RNF220: variants seen among roughly 807,000 people sequenced by gnomAD.
The protein encoded by RNF220 is E3 ubiquitin-protein ligase RNF220.
In RNF220, 7 loss-of-function variants were observed where a neutral mutation model predicts 67.1. The ratio of observed to expected loss-of-function variants is 0.10; its 90% CI spans 0.06 to 0.20. The LOEUF is 0.20. Among genes scored for constraint, RNF220 ranks in the 10% least tolerant of loss-of-function variants. RNF220 has a pLI of 1.00. For missense variants in RNF220, 565 were observed against 740.3 expected, an observed-to-expected ratio of 0.76 and a Z score of 2.75; for synonymous variants, 270 against 283.2, an observed-to-expected ratio of 0.95 and a Z score of 0.47.
At chr1:44,531,827 G>C (rs1660856937) in intron 2 of RNF220, among the ~76,000 whole-genome samples, 2 of 152,142 alleles carry the variant, frequency 1.3e-5, no homozygotes, top group African/African-American at 4.8e-5. Flanking sequence ...CTTCAAAGCA[G>C]TACTCTGATT....
In RNF220 at chr1:44,595,941, T is replaced by C. The variant is rs371244553; in HGVS notation, c.626-18224T>C. Among the ~76,000 whole-genome samples the C allele has an allele frequency of 4.1e-4, 62 of 152,118 alleles. No homozygotes were observed. In the South Asian group the frequency reaches 9.0e-3, roughly 22 times the overall value. On this transcript the variant is annotated intron_variant, in intron 2 of 14. Transcript: ENST00000361799. Reference sequence around the variant, plus strand: ...ACCACGCCCGGCTAATTTTTTTGTATTTTTAGTAGAGACGGGGTTTTGCCG... The same window carrying C: ...ACCACGCCCGGCTAATTTTTTTGTACTTTTAGTAGAGACGGGGTTTTGCCG...
intron 2 of RNF220, among the ~76,000 whole-genome samples, chr1:44,579,269 TA>T (rs1418772006): frequency 6.6e-6 from 1 of 152,080 alleles, no homozygotes. Context: ...GGGGCTTAAG[TA>T]ACTTGACCAA....
chr1:44,504,623 C>T (rs781777), intron 2 of RNF220, among the ~76,000 whole-genome samples: 3 of 152,082 alleles, frequency 2.0e-5, no homozygotes, highest in Admixed American at 6.5e-5. Flanking sequence ...TTGGAAAGAG[C>T]AGTGAGGGAG....
chr1:44,469,980 G>A (rs749468433), intron 2 of RNF220, among the ~76,000 whole-genome samples: 3 of 151,760 alleles, frequency 2.0e-5, no homozygotes, highest in Non-Finnish European at 2.9e-5. Context: ...TGAATGGGAT[G>A]AAGGCGTAAA....
intron 2 of RNF220, among the ~76,000 whole-genome samples, chr1:44,509,754 G>A (rs1333013815): frequency 1.3e-5 from 2 of 151,130 alleles, no homozygotes; most frequent in African/African-American, 2.4e-5. Flanking sequence ...GGGTGTGGTG[G>A]CACACACCTG....
chr1:44,585,016 ATCCAGT>A (rs1665595140), intron 2 of RNF220, among the ~76,000 whole-genome samples: 1 of 152,126 alleles, frequency 6.6e-6, no homozygotes. Context: ...AGCATTTCTA[ATCCAGT>A]TGCCTGAGCT....
At chr1:44,520,761 C>A (rs1659871013) in intron 2 of RNF220, among the ~76,000 whole-genome samples, 1 of 152,222 alleles carries the variant, frequency 6.6e-6, no homozygotes, top group Admixed American at 6.5e-5. Flanking sequence ...AGATTATATA[C>A]TCCTTGAAGG....
intron 2 of RNF220, among the ~76,000 whole-genome samples, chr1:44,495,514 A>ACT (rs1657263266): frequency 6.6e-6 from 1 of 152,204 alleles, no homozygotes; most frequent in Non-Finnish European, 1.5e-5. Flanking sequence ...AGGGAACGTA[A>ACT]CCTAATTTAG....
intron 3 of RNF220, among the ~76,000 whole-genome samples, chr1:44,615,062 A>G (rs1309368992): frequency 6.6e-6 from 1 of 152,090 alleles, no homozygotes; most frequent in African/African-American, 2.4e-5. Flanking sequence ...CTTCCCTCAC[A>G]TGTCTGGGGG....
At chr1:44,644,630 A>C in intron 8 of RNF220, 68 bp from the exon 9 acceptor site, 1 of 1,236,296 alleles carries the variant, frequency 8.1e-7, no homozygotes, top group Admixed American at 1.7e-5. Flanking sequence ...CCCTACCTGG[A>C]GGCAACAGGA....
At chr1:44,614,681 G>A (rs537260123) in intron 3 of RNF220, among the ~76,000 whole-genome samples, 1 of 152,074 alleles carries the variant, frequency 6.6e-6, no homozygotes, top group Non-Finnish European at 1.5e-5. Flanking sequence ...CCTCCAGTGG[G>A]GTGGACACTA....
At chr1:44,501,895 A>G (rs965068202) in intron 2 of RNF220, among the ~76,000 whole-genome samples, 4 of 152,134 alleles carry the variant, frequency 2.6e-5, no homozygotes, top group East Asian at 1.9e-4. Context: ...ATGTGGAGCT[A>G]TTATACTCTT....
rs754419168 is a variant in RNF220, at chr1:44,490,647, A to G, written c.625+77925A>G. ...TGCCTATACTTTAAAAAGAAGAAAGATGTTATATTAATAACTTAACCTTCC... is the reference window on the plus strand; with the variant it reads ...TGCCTATACTTTAAAAAGAAGAAAGGTGTTATATTAATAACTTAACCTTCC... On this transcript the variant is annotated intron_variant, in intron 2 of 14. Coordinates refer to ENST00000361799, the MANE Select transcript of RNF220 (RefSeq NM_018150.4). Among the ~76,000 whole-genome samples the G allele has an allele frequency of 3.1e-4, 47 of 152,058 alleles. 1 individual carries two copies. Among genetic ancestry groups the G allele is most frequent in the Non-Finnish European group, 4.7e-4 (32 of 68,020 alleles).
intron 2 of RNF220, among the ~76,000 whole-genome samples, chr1:44,454,587 G>A (rs1488181255): frequency 6.7e-6 from 1 of 149,894 alleles, no homozygotes; most frequent in Non-Finnish European, 1.5e-5. Context: ...TTTTTGGTAT[G>A]ATTACTCAAG....
intron 2 of RNF220, among the ~76,000 whole-genome samples, chr1:44,528,756 A>T (rs1660604067): frequency 6.6e-6 from 1 of 151,766 alleles, no homozygotes; most frequent in African/African-American, 2.4e-5. Context: ...CTGGGATTAC[A>T]GGCATGTGCC....
In RNF220 at chr1:44,607,340, T is replaced by G. The variant is rs186074400; in HGVS notation, c.626-6825T>G. On this transcript the variant is annotated intron_variant, in intron 2 of 14. Transcript: ENST00000361799. ...TAAAAAAAATAACCAAAATCACTAA[T>G]GTAGTTTAAAAGTCCTCCAGGATGC... 1.1e-4 allele frequency among the ~76,000 whole-genome samples: 17 copies of G among 152,312 alleles called. No homozygotes were observed. In the East Asian group the frequency reaches 2.9e-3, roughly 26 times the overall value.
chr1:44,552,664 G>A lies in RNF220; in HGVS notation c.626-61501G>A, dbSNP rs963483403. Among the ~76,000 whole-genome samples the A allele has an allele frequency of 6.2e-5, 8 of 130,078 alleles. No individual in the cohort carries two copies. In the East Asian group the frequency reaches 1.5e-3, roughly 24 times the overall value. 85.3% of individuals were successfully genotyped at this position (130,078 alleles called of 152,430 possible). On this transcript the variant is annotated intron_variant, in intron 2 of 14. Transcript: ENST00000361799. ...CGGCTCCCTGCAAGCTCCGCCTCCCGGGTTCACGCCATTCTCCTGCCTCAG... is the reference window on the plus strand; with the variant it reads ...CGGCTCCCTGCAAGCTCCGCCTCCCAGGTTCACGCCATTCTCCTGCCTCAG...
intron 8 of RNF220, among the ~76,000 whole-genome samples, chr1:44,637,033 A>G (rs964874714): frequency 2.6e-5 from 4 of 152,362 alleles, no homozygotes; most frequent in East Asian, 1.9e-4. Context: ...GCTTGTGGTC[A>G]TTAAGTGAGC....
At chr1:44,553,371 AGAAT>A (rs55720653) in intron 2 of RNF220, among the ~76,000 whole-genome samples, 14,727 of 150,700 alleles carry the variant, frequency 0.098, 1,826 homozygotes, top group African/African-American at 0.28. Flanking sequence ...GCTGAGTATA[AGAAT>A]GAATGAATGA....
Sources: allele counts gnomAD v4.1 joint callset (sites outside exome capture counted in the v4.1 genomes callset), GRCh38; gene constraint gnomAD v4.1.1; transcripts MANE v1.5; gene names NCBI Gene and HGNC (gene_info 2026-07-23, HGNC 2026-07-21).